LIPH: variants seen among roughly 807,000 people sequenced by gnomAD.
LIPH encodes lipase member H.
A neutral mutation model predicts 47.6 loss-of-function variants in LIPH; 32 were observed. That is an observed-to-expected ratio of 0.67 (90% confidence interval 0.51 to 0.90). The LOEUF (loss-of-function observed/expected upper bound fraction) is 0.90, where lower values mean the gene tolerates loss of function less well. Among genes scored for constraint, LIPH ranks in the 40% least tolerant of loss-of-function variants. The probability of loss-of-function intolerance (pLI) is 0.00; values close to 1 mark genes in which losing one functional copy is unlikely to be tolerated. For missense variants in LIPH, 497 were observed against 541.4 expected (o/e 0.92, Z 0.81); for synonymous variants, 190 against 195.6 (o/e 0.97, Z 0.24).
chr3:185,506,465 T>A lies in LIPH; in HGVS notation c.*2325A>T, dbSNP rs1355614392. ...TAGAAATTCTATTTCTGGCATTTTC[T>A]TGCTATTGTTTTGACTCCCTGCTTA... On this transcript the variant is annotated 3_prime_UTR_variant, in exon 10 of 10. Coordinates refer to ENST00000296252, the MANE Select transcript of LIPH (RefSeq NM_139248.3). 3 of 152,156 alleles carry A rather than the reference T, an allele frequency of 2.0e-5. No individual in the cohort carries two copies. Among genetic ancestry groups the A allele is most frequent in the Non-Finnish European group, 4.4e-5 (3 of 68,042 alleles). The allele number at this position is 152,156 out of a possible 1,614,324, so 9.4% of individuals were successfully genotyped here.
Position 185,531,047 on chromosome 3 carries a change from T to A in LIPH, c.526+2524A>T, listed in dbSNP as rs192932460. ...TCACAGGCAGGCTTGGACTTGGGAT[T>A]TCCTTAGTGATAAGCCATAGCAAAT... is the stretch of plus-strand genomic sequence containing the variant. On this transcript the variant is annotated intron_variant, in intron 3 of 9. Coordinates refer to ENST00000296252, the MANE Select transcript of LIPH (RefSeq NM_139248.3). Among the ~76,000 whole-genome samples the A allele has an allele frequency of 2.6e-5, 4 of 152,196 alleles. No individual in the cohort carries two copies. The South Asian group carries it at 6.2e-4, about 24-fold the overall frequency.
chr3:185,508,743 G>T lies in LIPH; in HGVS notation c.*47C>A. 7.5e-7 allele frequency: 1 copy of T among 1,338,050 alleles called. No homozygotes were observed. Among genetic ancestry groups the T allele is most frequent in the Non-Finnish European group, 1.1e-6 (1 of 928,370 alleles). 82.9% of individuals were successfully genotyped at this position (1,338,050 alleles called of 1,614,324 possible). On this transcript the variant is annotated 3_prime_UTR_variant, in exon 10 of 10. Coordinates refer to ENST00000296252, the MANE Select transcript of LIPH (RefSeq NM_139248.3). Reference sequence around the variant, plus strand: ...AGGTGAAGCTTTCAAACAGCCTGTGGTTGTAGCTTTCTTTCTATTATTTAT... The same window carrying T: ...AGGTGAAGCTTTCAAACAGCCTGTGTTTGTAGCTTTCTTTCTATTATTTAT...
intron 1 of LIPH, among the ~76,000 whole-genome samples, chr3:185,546,568 G>T (rs1720880803): frequency 6.6e-6 from 1 of 152,146 alleles, no homozygotes; most frequent in Non-Finnish European, 1.5e-5. Context: ...GGAGGCCAAG[G>T]TAGGAGGATC....
chr3:185,549,366 G>A (rs1007570006), intron 1 of LIPH, among the ~76,000 whole-genome samples: 6 of 152,108 alleles, frequency 3.9e-5, no homozygotes, highest in African/African-American at 1.4e-4. Flanking sequence ...TTGCCAACTT[G>A]TTAGAGAAAG....
chr3:185,533,484 C>T (rs1720400192), intron 3 of LIPH, 87 bp downstream of exon 3: 8 of 869,952 alleles, frequency 9.2e-6, no homozygotes, highest in South Asian at 7.9e-5. Flanking sequence ...TGGCTTTGAA[C>T]CCAAGGAGTT....
At chr3:185,511,808 G>T in intron 8 of LIPH, 111 bp from the exon 9 acceptor site, 1 of 713,338 alleles carries the variant, frequency 1.4e-6, no homozygotes, top group South Asian at 1.6e-5. Context: ...CCCATAGCCT[G>T]CACCAGCTGA....
intron 1 of LIPH, among the ~76,000 whole-genome samples, chr3:185,548,373 C>A (rs574549671): frequency 6.6e-6 from 1 of 151,014 alleles, no homozygotes; most frequent in South Asian, 2.1e-4. Flanking sequence ...CCACTGCACT[C>A]CAGCCTGGTG....
chr3:185,514,530 C>G lies in LIPH; in HGVS notation c.983-9G>C, dbSNP rs773770752. 2.0e-6 allele frequency: 2 copies of G among 995,062 alleles called. No homozygotes were observed. The highest frequency in any genetic ancestry group is 4.8e-5 in the East Asian group (2 of 42,100). 61.6% of individuals were successfully genotyped at this position (995,062 alleles called of 1,614,324 possible). A position where few individuals can be genotyped will look rare whatever the true frequency, so the allele number is the denominator to read the frequency against. On this transcript the variant is annotated splice_polypyrimidine_tract_variant and intron_variant, in intron 7 of 9. Transcript: ENST00000296252. ...CACAAAGTAATGATACACTGCAAAA[C>G]AGAGAGAGAACACGGTAAGAGAGAG...
Position 185,528,355 on chromosome 3 carries a change from A to AAAGAAAGAAAGAAAGAAAGC in LIPH, c.527-771_527-770insGCTTTCTTTCTTTCTTTCTT, listed in dbSNP as rs1410025611. On this transcript the variant is annotated intron_variant, in intron 3 of 9. Transcript: ENST00000296252. Reference sequence around the variant, plus strand: ...GAAAGAAAGAAAGAAAGAAAGAAAGAAAGCGCTATACTCATCTTTATCCCA... The same window carrying AAAGAAAGAAAGAAAGAAAGC: ...GAAAGAAAGAAAGAAAGAAAGAAAGAAAGAAAGAAAGAAAGAAAGCAAGCGCTATACTCATCTTTATCCCA... Among the ~76,000 whole-genome samples the AAAGAAAGAAAGAAAGAAAGC allele has an allele frequency of 2.3e-3, 352 of 151,808 alleles. 3 individuals are homozygous for AAAGAAAGAAAGAAAGAAAGC. Among genetic ancestry groups the AAAGAAAGAAAGAAAGAAAGC allele is most frequent in the Middle Eastern group, 6.8e-3 (2 of 292 alleles).
In LIPH at chr3:185,508,415, C is replaced by A. The variant is rs962452732; in HGVS notation, c.*375G>T. ...TGGCACGGAGAATGCAGAGTTGAGT[C>A]CACGGTGAGGCCTCCAGTCCGTCCT... On this transcript the variant is annotated 3_prime_UTR_variant, in exon 10 of 10. Transcript: ENST00000296252. The A allele has an allele frequency of 3.6e-6, 1 of 278,448 alleles. No homozygotes were observed. Among genetic ancestry groups the A allele is most frequent in the African/African-American group, 2.2e-5 (1 of 46,208 alleles). 17.2% of individuals were successfully genotyped at this position (278,448 alleles called of 1,614,324 possible).
intron 8 of LIPH, among the ~76,000 whole-genome samples, chr3:185,513,811 C>T (rs1014599850): frequency 1.3e-5 from 2 of 152,078 alleles, no homozygotes; most frequent in Admixed American, 6.6e-5. Context: ...GAAGCCGAGG[C>T]GGGCAGATCA....
intron 1 of LIPH, among the ~76,000 whole-genome samples, chr3:185,548,337 G>C (rs979669207): frequency 5.4e-4 from 81 of 149,446 alleles, no homozygotes; most frequent in African/African-American, 1.9e-3. Flanking sequence ...CCAGGGAGGC[G>C]GAGGTTGCAA....
At position 185,508,688 on chromosome 3, in the gene LIPH, T is replaced by C; in HGVS notation, c.*102A>G. 1 of 859,448 alleles carries C rather than the reference T, an allele frequency of 1.2e-6. No homozygotes were observed. The highest frequency in any genetic ancestry group is 2.0e-6 in the Non-Finnish European group (1 of 503,678). 53.2% of individuals were successfully genotyped at this position (859,448 alleles called of 1,614,324 possible). Reference sequence around the variant, plus strand: ...GCTACTGAAAAAAGCCTTGGTTTTTTTCATACTTTTTCTGCCTTGCAGAAA... The same window carrying C: ...GCTACTGAAAAAAGCCTTGGTTTTTCTCATACTTTTTCTGCCTTGCAGAAA... On this transcript the variant is annotated 3_prime_UTR_variant, in exon 10 of 10. Coordinates refer to ENST00000296252, the MANE Select transcript of LIPH (RefSeq NM_139248.3).
chr3:185,523,060 T>A (rs1358038554), intron 5 of LIPH, among the ~76,000 whole-genome samples: 1 of 152,226 alleles, frequency 6.6e-6, no homozygotes, highest in Admixed American at 6.5e-5. Flanking sequence ...GAGCATACCA[T>A]AATTCATTTA....
chr3:185,546,567 G>A (rs997483929), intron 1 of LIPH, among the ~76,000 whole-genome samples: 7 of 152,260 alleles, frequency 4.6e-5, no homozygotes, highest in Admixed American at 4.6e-4. Context: ...TGGAGGCCAA[G>A]GTAGGAGGAT....
At chr3:185,509,286 GA>G (rs926000638) in intron 9 of LIPH, among the ~76,000 whole-genome samples, 16 of 147,064 alleles carry the variant, frequency 1.1e-4, no homozygotes, top group Admixed American at 8.9e-4. Flanking sequence ...CTCTGTCTCA[GA>G]AAAAAAAAGA....
chr3:185,536,540 TG>T (rs759745883), intron 1 of LIPH, among the ~76,000 whole-genome samples: 4 of 152,190 alleles, frequency 2.6e-5, no homozygotes, highest in Non-Finnish European at 5.9e-5. Flanking sequence ...GCCTTCATCT[TG>T]GGGTCCTTGC....
Position 185,507,769 on chromosome 3 carries a change from T to A in LIPH, c.*1021A>T, listed in dbSNP as rs1719424308. 6.6e-6 allele frequency: 1 copy of A among 152,224 alleles called. No homozygotes were observed. Among genetic ancestry groups the A allele is most frequent in the Non-Finnish European group, 1.5e-5 (1 of 68,034 alleles). 9.4% of individuals were successfully genotyped at this position (152,224 alleles called of 1,614,324 possible). A position where few individuals can be genotyped will look rare whatever the true frequency, so the allele number is the denominator to read the frequency against. On this transcript the variant is annotated 3_prime_UTR_variant, in exon 10 of 10. Transcript: ENST00000296252. ...TTCCAAAAGGCTAACATTAATTACC[T>A]CTAATAGGATCGTGGACAGTATTTT...
intron 2 of LIPH, among the ~76,000 whole-genome samples, chr3:185,534,325 C>T (rs1720434123): frequency 1.3e-5 from 2 of 151,350 alleles, no homozygotes; most frequent in African/African-American, 4.9e-5. Context: ...CACTGCACTC[C>T]AGCCTGGTGA....
Sources: allele counts gnomAD v4.1 joint callset (sites outside exome capture counted in the v4.1 genomes callset), GRCh38; gene constraint gnomAD v4.1.1; transcripts MANE v1.5; gene names NCBI Gene and HGNC (gene_info 2026-07-23, HGNC 2026-07-21).